The following PCDH15 variants were observed in gnomAD, a reference collection of about 807,000 sequenced individuals.
PCDH15 encodes protocadherin related 15.
In PCDH15, 129 loss-of-function variants were observed where a neutral mutation model predicts 178.5. The observed-to-expected ratio is 0.72, with a 90% CI of 0.63 to 0.84. PCDH15 has a LOEUF of 0.84. Ranked by LOEUF, PCDH15 falls within the 40% of genes least tolerant of loss-of-function variation. The probability of loss-of-function intolerance (pLI) is 0.00; values close to 1 mark genes in which losing one functional copy is unlikely to be tolerated. For synonymous variants in PCDH15, 800 were observed against 732.0 expected (o/e 1.09, Z -1.50); for missense variants, 2,230 against 2,099.9 (o/e 1.06, Z -1.21).
intron 2 of PCDH15, among the ~76,000 whole-genome samples, chr10:54,964,614 T>C (rs1030653290): frequency 6.6e-6 from 1 of 152,188 alleles, no homozygotes; most frequent in African/African-American, 2.4e-5. Flanking sequence ...CCTTTCCATC[T>C]ATCACACTGT....
chr10:54,464,565 G>T (rs1398049752), intron 3 of PCDH15, among the ~76,000 whole-genome samples: 1 of 152,046 alleles, frequency 6.6e-6, no homozygotes, highest in Non-Finnish European at 1.5e-5. Context: ...TGGGGTTATT[G>T]TCTCCCCTAG....
chr10:55,148,030 G>T (rs993405317), intron 2 of PCDH15, among the ~76,000 whole-genome samples: 2 of 151,684 alleles, frequency 1.3e-5, no homozygotes, highest in African/African-American at 4.8e-5. Flanking sequence ...ATTGTCTTTT[G>T]CTCCATTTAA....
chr10:54,251,179 T>A (rs114166436), intron 8 of PCDH15, among the ~76,000 whole-genome samples: 2,357 of 152,292 alleles, frequency 0.015, 32 homozygotes, highest in African/African-American at 0.036. Flanking sequence ...TTCTACCTAA[T>A]CTTTGCTTTC....
intron 25 of PCDH15, chr10:53,907,341 A>G (rs2593103): frequency 0.76 from 115,477 of 152,106 alleles, 44,473 homozygotes; most frequent in East Asian, 1. Context: ...AAAGAAAGAT[A>G]CTAGAAAGAG....
At chr10:53,872,603 A>T (rs2079947879) in intron 26 of PCDH15, among the ~76,000 whole-genome samples, 1 of 152,186 alleles carries the variant, frequency 6.6e-6, no homozygotes, top group Non-Finnish European at 1.5e-5. Flanking sequence ...ACTCCTGGTG[A>T]CTGAAGAGGG....
At chr10:53,886,026 A>T (rs2081070324) in intron 26 of PCDH15, among the ~76,000 whole-genome samples, 1 of 152,206 alleles carries the variant, frequency 6.6e-6, no homozygotes, top group South Asian at 2.1e-4. Flanking sequence ...TGTGTTTTTA[A>T]TAACATGTAT....
chr10:54,036,193 C>A (rs1169182913), intron 18 of PCDH15, among the ~76,000 whole-genome samples: 1 of 151,886 alleles, frequency 6.6e-6, no homozygotes, highest in Non-Finnish European at 1.5e-5. Context: ...AGCTAGTTAT[C>A]CAGAAAATCC....
chr10:55,581,502 G>A (rs1842613889), intron 2 of PCDH15, among the ~76,000 whole-genome samples: 1 of 150,780 alleles, frequency 6.6e-6, no homozygotes, highest in African/African-American at 2.4e-5. Flanking sequence ...TTTTTTAAAT[G>A]TAAATTTTGC....
intron 2 of PCDH15, among the ~76,000 whole-genome samples, chr10:55,603,410 C>T (rs1220803255): frequency 2.6e-5 from 4 of 151,584 alleles, no homozygotes; most frequent in African/African-American, 7.3e-5. Context: ...AAAGATACTC[C>T]TGGAGAAGAG....
At chr10:55,528,274 C>T (rs763329064) in intron 2 of PCDH15, among the ~76,000 whole-genome samples, 6 of 151,558 alleles carry the variant, frequency 4.0e-5, no homozygotes, top group Non-Finnish European at 5.9e-5. Context: ...ATGTATACAA[C>T]GTGCAGGTTT....
intron 2 of PCDH15, among the ~76,000 whole-genome samples, chr10:55,086,193 G>A (rs937903506): frequency 1.3e-5 from 2 of 151,806 alleles, no homozygotes; most frequent in African/African-American, 4.8e-5. Flanking sequence ...ACTTTCCAGG[G>A]AATAATTATT....
At chr10:53,992,496 T>C (rs2134837938) in intron 21 of PCDH15, among the ~76,000 whole-genome samples, 1 of 152,292 alleles carries the variant, frequency 6.6e-6, no homozygotes, top group Admixed American at 6.5e-5. Flanking sequence ...TTGTTGGAGA[T>C]GAAGTGAAGA....
At chr10:54,830,741 T>TA (rs568762053) in intron 3 of PCDH15, among the ~76,000 whole-genome samples, 7 of 144,794 alleles carry the variant, frequency 4.8e-5, no homozygotes, top group Non-Finnish European at 9.2e-5. Context: ...TAATAATAAT[T>TA]AAAAAAAAAG....
intron 1 of PCDH15, among the ~76,000 whole-genome samples, chr10:54,726,495 A>G (rs1184982463): frequency 1.3e-5 from 2 of 148,634 alleles, no homozygotes; most frequent in African/African-American, 2.5e-5. Flanking sequence ...CTATAAAATA[A>G]AGTGGTATGA....
At chr10:54,622,654 C>A (rs1937399) in intron 2 of PCDH15, among the ~76,000 whole-genome samples, 38,326 of 84,432 alleles carry the variant, frequency 0.45, 6,969 homozygotes, top group Middle Eastern at 0.54. Flanking sequence ...TATATATATA[C>A]TATATAATAT....
intron 1 of PCDH15, among the ~76,000 whole-genome samples, chr10:54,792,022 CA>C (rs1263885369): frequency 1.3e-5 from 2 of 151,806 alleles, no homozygotes; most frequent in African/African-American, 4.8e-5. Flanking sequence ...GTAGAAAGAA[CA>C]AGGTGAACTG....
At chr10:55,594,711 A>G (rs938566269) in intron 2 of PCDH15, among the ~76,000 whole-genome samples, 6 of 152,050 alleles carry the variant, frequency 3.9e-5, no homozygotes, top group Non-Finnish European at 7.4e-5. Flanking sequence ...ACTATGGATC[A>G]TAATTGCTAA....
intron 2 of PCDH15, among the ~76,000 whole-genome samples, chr10:54,589,603 T>C (rs1425381014): frequency 2.6e-5 from 4 of 152,190 alleles, no homozygotes; most frequent in Admixed American, 6.5e-5. Flanking sequence ...TTTGTGTGTG[T>C]TATTCATTGA....
intron 5 of PCDH15, among the ~76,000 whole-genome samples, chr10:54,368,085 G>A (rs74136131): frequency 0.019 from 2,946 of 151,822 alleles, 91 homozygotes; most frequent in African/African-American, 0.068. Context: ...CCAGTAATTC[G>A]TCTTGTTAAA....
Sources: allele counts gnomAD v4.1 joint callset (sites outside exome capture counted in the v4.1 genomes callset), GRCh38; gene constraint gnomAD v4.1.1; transcripts MANE v1.5; gene names NCBI Gene and HGNC (gene_info 2026-07-23, HGNC 2026-07-21).